The following NBEAL2 variants were observed in gnomAD, a reference collection of about 807,000 sequenced individuals.
NBEAL2 encodes the protein neurobeachin-like protein 2.
In NBEAL2, 160 loss-of-function variants were observed where a neutral mutation model predicts 299.8. That is an observed-to-expected ratio of 0.53 (90% confidence interval 0.47 to 0.61). The LOEUF (loss-of-function observed/expected upper bound fraction) is 0.61, where lower values mean the gene tolerates loss of function less well. NBEAL2 is among the 20% of genes least tolerant of loss of function. NBEAL2 has a pLI of 0.00. For synonymous variants in NBEAL2, 1,493 were observed against 1,542.3 expected (o/e 0.97, Z 0.75); for missense variants, 3,112 against 3,649.0 (o/e 0.85, Z 3.79).
In NBEAL2 at chr3:46,994,940, C is replaced by T. The variant is rs2036372517; in HGVS notation, c.1297-92C>T. On this transcript the variant is annotated intron_variant, in intron 12 of 53. Transcript: ENST00000450053. ...AGGATGGAGTAGATCATGTTGCTGACTGCTGCCGTAGGCAAGTAAATGGAG... is the reference window on the plus strand; with the variant it reads ...AGGATGGAGTAGATCATGTTGCTGATTGCTGCCGTAGGCAAGTAAATGGAG... 9 of 1,454,532 alleles carry T rather than the reference C, an allele frequency of 6.2e-6. 1 individual carries two copies. In the South Asian group the frequency reaches 1.3e-4, roughly 21 times the overall value. The allele number at this position is 1,454,532 out of a possible 1,614,324, so 90.1% of individuals were successfully genotyped here. A position where few individuals can be genotyped will look rare whatever the true frequency, so the allele number is the denominator to read the frequency against.
Position 47,004,421 on chromosome 3 carries a change from A to C in NBEAL2, c.6198+28A>C, listed in dbSNP as rs749954057. ...GAGAGCCCTGGGTGTGAGGGATGTG[A>C]AGTCGGGACCCTGAATCACGGGGCA... On this transcript the variant is annotated intron_variant, in intron 37 of 53. Transcript: ENST00000450053. This position sits in a 1 kb window ranked among gnomAD's most constrained non-coding sequence, Gnocchi z 5.0. 1.0e-5 allele frequency: 16 copies of C among 1,591,252 alleles called. No homozygotes were observed. Among genetic ancestry groups the C allele is most frequent in the Non-Finnish European group, 1.3e-5 (15 of 1,165,882 alleles).
chr3:46,998,659 C>T (rs1575606441), intron 22 of NBEAL2, 58 bp from the exon 23 acceptor site: 1 of 1,554,120 alleles, frequency 6.4e-7, no homozygotes, highest in East Asian at 2.4e-5. Context: ...CTCACCTGCC[C>T]ACCCTCTCTC....
In NBEAL2 at chr3:46,989,322, T is replaced by C; in HGVS notation, c.414T>C (p.Ala138=). Residue 138 remains alanine, a synonymous_variant, in exon 5 of 54, where the codon GCT becomes GCC. Coordinates refer to ENST00000450053, the MANE Select transcript of NBEAL2 (RefSeq NM_015175.3). This position sits in a 1 kb window ranked among gnomAD's most constrained non-coding sequence, Gnocchi z 5.5. The part of the protein sequence containing the change: ...GTQLENVALH[A]LLLCEGLFDP... ...AGTTGGAGAATGTGGCCCTACATGC[T>C]CTGCTTCTCTGCGAGGGCCTCTTTG... 2 of 1,596,714 alleles carry C rather than the reference T, an allele frequency of 1.3e-6. No individual in the cohort carries two copies. Among genetic ancestry groups the C allele is most frequent in the Non-Finnish European group, 1.7e-6 (2 of 1,171,668 alleles).
chr3:46,997,717 T>C (rs1334018601), intron 20 of NBEAL2, 23 bp downstream of exon 20: 15 of 1,483,574 alleles, frequency 1.0e-5, no homozygotes, highest in Non-Finnish European at 1.3e-5. Flanking sequence ...GGGACAGGCA[T>C]GGGGGTTAGG....
In NBEAL2 at chr3:47,005,302, G is replaced by A. The variant is rs370981413; in HGVS notation, c.6541G>A (p.Val2181Ile). 75 of 1,612,216 alleles carry A rather than the reference G, an allele frequency of 4.7e-5. 1 individual carries two copies. Among genetic ancestry groups the A allele is most frequent in the East Asian group, 2.5e-4 (11 of 44,860 alleles). The change falls in exon 40 of 54, where the codon GTC becomes ATC. Residue 2181 changes from valine to isoleucine, a missense_variant. Val to Ile is a conservative substitution (Grantham distance 29, BLOSUM62 3). Around this residue, in one of 3 missense-constraint regions of NBEAL2, gnomAD observed 521 missense variants for 729.6 expected, o/e 0.71. Coordinates refer to ENST00000450053, the MANE Select transcript of NBEAL2 (RefSeq NM_015175.3). ...CGTGGAGCCCTTCACCTCCCTGCAC[G>A]TCCAGCTGCAAAGTGGCCGGTGCGG... is the stretch of plus-strand genomic sequence containing the variant. ...IRVEPFTSLH[V>I]QLQSGRFDCS...
chr3:46,989,685 T>C lies in NBEAL2; in HGVS notation c.556+92T>C. The C allele has an allele frequency of 8.8e-7, 1 of 1,137,732 alleles. No homozygotes were observed. Among genetic ancestry groups the C allele is most frequent in the Non-Finnish European group, 1.3e-6 (1 of 772,002 alleles). The allele number at this position is 1,137,732 out of a possible 1,614,324, so 70.5% of individuals were successfully genotyped here. A position where few individuals can be genotyped will look rare whatever the true frequency, so the allele number is the denominator to read the frequency against. ...GATCCTGCCATACACAGGAACCACTTGGTGGTGGCTGCATGCAGGACTGGG... is the reference window on the plus strand; with the variant it reads ...GATCCTGCCATACACAGGAACCACTCGGTGGTGGCTGCATGCAGGACTGGG... On this transcript the variant is annotated intron_variant, in intron 6 of 53. Transcript: ENST00000450053. The surrounding 1 kb of genome is among the most constrained non-coding windows in gnomAD (Gnocchi z 5.5).
intron 1 of NBEAL2, among the ~76,000 whole-genome samples, chr3:46,981,403 C>T (rs1280962801): frequency 1.3e-5 from 2 of 152,078 alleles, no homozygotes; most frequent in Non-Finnish European, 2.9e-5. Context: ...GATCGCGCCA[C>T]TGCACTCCAG....
At position 47,004,686 on chromosome 3, in the gene NBEAL2, T is replaced by A; in HGVS notation, c.6294+96T>A. 7.6e-7 allele frequency: 1 copy of A among 1,313,920 alleles called. No individual in the cohort carries two copies. Among genetic ancestry groups the A allele is most frequent in the Non-Finnish European group, 1.1e-6 (1 of 915,530 alleles). The allele number at this position is 1,313,920 out of a possible 1,614,324, so 81.4% of individuals were successfully genotyped here. A position where few individuals can be genotyped will look rare whatever the true frequency, so the allele number is the denominator to read the frequency against. The stretch of plus-strand genomic sequence containing the variant: ...AGGTACCTGCCAGTGGGCCAAGCTC[T>A]GAGCTTGGTCAAGGGTAGATGTGCC... On this transcript the variant is annotated intron_variant, in intron 38 of 53. Coordinates refer to ENST00000450053, the MANE Select transcript of NBEAL2 (RefSeq NM_015175.3). The surrounding 1 kb of genome is among the most constrained non-coding windows in gnomAD (Gnocchi z 5.0).
chr3:46,988,031 C>G lies in NBEAL2; in HGVS notation c.52-638C>G. ...GGCAGCGCCTAGACCTGGGCTTAGC[C>G]ACTGCCCCTCTTGCCCATGGAACCA... On this transcript the variant is annotated intron_variant, in intron 1 of 53. Coordinates refer to ENST00000450053, the MANE Select transcript of NBEAL2 (RefSeq NM_015175.3). The surrounding 1 kb of genome is among the most constrained non-coding windows in gnomAD (Gnocchi z 4.4). The G allele has an allele frequency of 3.1e-6, 4 of 1,278,212 alleles. No homozygotes were observed. Among genetic ancestry groups the G allele is most frequent in the Non-Finnish European group, 4.1e-6 (4 of 983,346 alleles). The allele number at this position is 1,278,212 out of a possible 1,614,324, so 79.2% of individuals were successfully genotyped here.
Position 47,008,640 on chromosome 3 carries a change from TGC to T in NBEAL2, c.8002_8003del (p.Ala2668ProfsTer53), listed in dbSNP as rs1211591445. Reference protein sequence around the residue: ...EDFVLLGTAQCALHILQLNTL... With the variant: ...EDFVLLGTAQXALHILQLNTL... ...CTTTGTGTTGCTGGGCACCGCCCAG[TGC>T]GCCCTGCACATCCTCCAACTAAACA... is the stretch of plus-strand genomic sequence containing the variant. On this transcript the variant is annotated frameshift_variant, in exon 52 of 54. Transcript: ENST00000450053. LOFTEE classifies it high-confidence loss of function. 1 of 1,613,400 alleles carries T rather than the reference TGC, an allele frequency of 6.2e-7. No homozygotes were observed. Among genetic ancestry groups the T allele is most frequent in the South Asian group, 1.1e-5 (1 of 91,076 alleles).
At position 47,005,256 on chromosome 3, in the gene NBEAL2, C is replaced by T. The variant is rs757674940; in HGVS notation, c.6495C>T (p.Gly2165=). 31 of 1,613,388 alleles carry T rather than the reference C, an allele frequency of 1.9e-5. No individual in the cohort carries two copies. The Admixed American group carries it at 2.8e-4, about 15-fold the overall frequency. The change falls in exon 40 of 54, where the codon GGC becomes GGT. Residue 2165 remains glycine (G), a synonymous_variant. Transcript: ENST00000450053. ...GCACCCACTACTCCAATGCAGCAGG[C>T]GTGATGCACTACCTCATCCGCGTGG... The part of the protein sequence containing the change: ...HYGTHYSNAA[G]VMHYLIRVEP...
Position 47,004,127 on chromosome 3 carries a change from C to T in NBEAL2, c.5932C>T (p.Leu1978=). 1.2e-6 allele frequency: 2 copies of T among 1,613,628 alleles called. No individual in the cohort carries two copies. Among genetic ancestry groups the T allele is most frequent in the Non-Finnish European group, 1.7e-6 (2 of 1,179,756 alleles). ...RPLAQLREVH[L]RRFNLRRSAL... Reference sequence around the variant, plus strand: ...ACTGGCCCAGCTGCGTGAGGTCCACCTGCGGCGTTTCAACCTGCGCCGTTC... The same window carrying T: ...ACTGGCCCAGCTGCGTGAGGTCCACTTGCGGCGTTTCAACCTGCGCCGTTC... Residue 1978 remains leucine, a synonymous_variant, in exon 37 of 54, where the codon CTG becomes TTG. Transcript: ENST00000450053. This position sits in a 1 kb window ranked among gnomAD's most constrained non-coding sequence, Gnocchi z 5.0.
chr3:46,998,252 G>C, intron 21 of NBEAL2, 26 bp downstream of exon 21: 1 of 1,601,954 alleles, frequency 6.2e-7, no homozygotes, highest in South Asian at 1.1e-5. Context: ...TGAGCAAGGG[G>C]CCGGCCATAG....
In NBEAL2 at chr3:47,003,883, A is replaced by T. The variant is rs1289002290; in HGVS notation, c.5788A>T (p.Thr1930Ser). ...GCTGTCGGCCGAGTGCCAGCTGGTG[A>T]CGGTAGTGGCCGTGGTCCCAGGGCT... ...LVLSAECQLV[T>S]VVAVVPGLLE... Residue 1930 changes from threonine (T) to serine (S), a missense_variant, in exon 36 of 54, where the codon ACG becomes TCG. Coordinates refer to ENST00000450053, the MANE Select transcript of NBEAL2 (RefSeq NM_015175.3). The surrounding 1 kb of genome is among the most constrained non-coding windows in gnomAD (Gnocchi z 7.0). 5 of 1,613,552 alleles carry T rather than the reference A, an allele frequency of 3.1e-6. No individual in the cohort carries two copies. The highest frequency in any genetic ancestry group is 4.5e-5 in the East Asian group (2 of 44,874).
chr3:46,991,214 C>A lies in NBEAL2; in HGVS notation c.557-5C>A, dbSNP rs1252713332. ...ACATTACCCTGCCCACACCCCCCTA[C>A]CCAGAGAGCCTACAGAATGCAGACC... On this transcript the variant is annotated splice_polypyrimidine_tract_variant and splice_region_variant and intron_variant, in intron 6 of 53. Transcript: ENST00000450053. This position sits in a 1 kb window ranked among gnomAD's most constrained non-coding sequence, Gnocchi z 6.2. 39 of 1,601,860 alleles carry A rather than the reference C, an allele frequency of 2.4e-5. No homozygotes were observed. Among genetic ancestry groups the A allele is most frequent in the Non-Finnish European group, 3.2e-5 (38 of 1,173,764 alleles).
At position 47,008,524 on chromosome 3, in the gene NBEAL2, C is replaced by T. The variant is rs2037637405; in HGVS notation, c.7883C>T (p.Thr2628Ile). The change falls in exon 52 of 54, where the codon ACC becomes ATC. Residue 2628 changes from threonine (T) to isoleucine (I), a missense_variant. By Grantham distance (89) the Thr-to-Ile change is moderately conservative. This residue lies in a region of NBEAL2 where 348 missense variants were observed against 381.4 expected (regional missense o/e 0.91). Transcript: ENST00000450053. Reference protein sequence around the residue: ...SAWERPGAQVTYSLHLYSVNG... With the variant: ...SAWERPGAQVIYSLHLYSVNG... Reference sequence around the variant, plus strand: ...GACACTCCCTGCTTCCTCCAGGTCACCTACTCCTTGCACCTGTATTCAGTC... The same window carrying T: ...GACACTCCCTGCTTCCTCCAGGTCATCTACTCCTTGCACCTGTATTCAGTC... The T allele has an allele frequency of 6.2e-7, 1 of 1,612,924 alleles. No homozygotes were observed. Among genetic ancestry groups the T allele is most frequent in the African/African-American group, 1.3e-5 (1 of 74,906 alleles).
rs1559605464 is a variant in NBEAL2 at position 46,999,886 on chromosome 3, C to T, written c.3790-3C>T. 1 of 1,603,228 alleles carries T rather than the reference C, an allele frequency of 6.2e-7. No individual in the cohort carries two copies. The highest frequency in any genetic ancestry group is 1.7e-5 in the Admixed American group (1 of 59,738). ...TCCTCACTTGCTGTGCTCTCGCCTG[C>T]AGCTTTTCCACCTCATCTACGGACA... On this transcript the variant is annotated splice_polypyrimidine_tract_variant and splice_region_variant and intron_variant, in intron 26 of 53. Coordinates refer to ENST00000450053, the MANE Select transcript of NBEAL2 (RefSeq NM_015175.3).
At position 47,002,659 on chromosome 3, in the gene NBEAL2, A is replaced by C; in HGVS notation, c.5316A>C (p.Glu1772Asp). The C allele has an allele frequency of 6.2e-7, 1 of 1,609,794 alleles. No individual in the cohort carries two copies. Among genetic ancestry groups the C allele is most frequent in the Non-Finnish European group, 8.5e-7 (1 of 1,179,032 alleles). ...SRRAFQELVLEPAQRRARLEG... is the reference protein window; with the variant it reads ...SRRAFQELVLDPAQRRARLEG... Reference sequence around the variant, plus strand: ...CCCCACCCCAGGAGCTGGTGCTGGAACCTGCGCAGAGGCGGGCGCGCCTGG... The same window carrying C: ...CCCCACCCCAGGAGCTGGTGCTGGACCCTGCGCAGAGGCGGGCGCGCCTGG... The change falls in exon 33 of 54, where the codon GAA becomes GAC. Residue 1772 changes from glutamate (E) to aspartate (D), a missense_variant. This residue lies in a region of NBEAL2 where 2,243 missense variants were observed against 2,538.1 expected (regional missense o/e 0.88). Transcript: ENST00000450053.
chr3:47,002,373 A>G lies in NBEAL2; in HGVS notation c.5154A>G (p.Val1718=). The stretch of plus-strand genomic sequence containing the variant: ...TTCTCCTCTGCCCAATCCTCCAGGT[A>G]CAGCCAACCATGTCCCAGTTCGAAA... ...PEWRHFIDKQ[V]QPTMSQFEMD... The change falls in exon 32 of 54, where the codon GTA becomes GTG. Residue 1718 remains valine (V), a splice_region_variant and synonymous_variant. Transcript: ENST00000450053. The G allele has an allele frequency of 6.2e-7, 1 of 1,613,580 alleles. No homozygotes were observed. The highest frequency in any genetic ancestry group is 8.5e-7 in the Non-Finnish European group (1 of 1,179,856).
Sources: allele counts gnomAD v4.1 joint callset (sites outside exome capture counted in the v4.1 genomes callset), GRCh38; gene constraint gnomAD v4.1.1; regional missense constraint gnomAD v4.1.1; non-coding constraint Gnocchi (gnomAD v3.1); transcripts MANE v1.5; gene names NCBI Gene and HGNC (gene_info 2026-07-23, HGNC 2026-07-21).